The following ZNG1F variants were observed in gnomAD, a reference collection of about 807,000 sequenced individuals.
The protein encoded by ZNG1F is zinc-regulated GTPase metalloprotein activator 1F.
the ZNG1F span, chr9:41,132,018 T>C: frequency 1.0e-6 from 1 of 967,258 alleles, no homozygotes; most frequent in African/African-American, 1.7e-5. Context: ...CATTGGTCCT[T>C]GGATTAACCA....
chr9:41,204,420 A>ATC, the ZNG1F span, among the ~76,000 whole-genome samples: 504 of 13,172 alleles, frequency 0.038, 5 homozygotes, highest in African/African-American at 0.052. Context: ...ATATATATAT[A>ATC]TCTGTATAAC....
At chr9:41,146,269 A>T in the ZNG1F span, among the ~76,000 whole-genome samples, 114 of 123,786 alleles carry the variant, frequency 9.2e-4, 1 homozygote, top group African/African-American at 3.3e-3. Flanking sequence ...AAGTGTCACT[A>T]AAGCATTATA....
At chr9:41,166,472 AT>A in the ZNG1F span, among the ~76,000 whole-genome samples, 5,449 of 108,512 alleles carry the variant, frequency 0.05, 42 homozygotes, top group Admixed American at 0.11. Context: ...ATATATATAT[AT>A]AAAATCTTCA....
chr9:41,203,448 C>CA, the ZNG1F span, among the ~76,000 whole-genome samples: 2 of 150,386 alleles, frequency 1.3e-5, no homozygotes, highest in East Asian at 4.0e-4. Context: ...TTCACCATCC[C>CA]AAAAAATTCC....
At chr9:41,132,242 C>T in the ZNG1F span, 229 of 1,603,286 alleles carry the variant, frequency 1.4e-4, 10 homozygotes, top group African/African-American at 2.4e-3. Flanking sequence ...GAGGACCAAT[C>T]GATTTGTTCT....
the ZNG1F span, among the ~76,000 whole-genome samples, chr9:41,193,815 G>A: frequency 6.6e-6 from 1 of 151,368 alleles, no homozygotes; most frequent in South Asian, 2.1e-4. Flanking sequence ...CAGAAGAATT[G>A]CTTGAACCCG....
chr9:41,154,516 T>C, the ZNG1F span, among the ~76,000 whole-genome samples: 1 of 137,482 alleles, frequency 7.3e-6, no homozygotes, highest in Non-Finnish European at 1.6e-5. Context: ...TTAAAGTTCA[T>C]ATGGAACCAA....
the ZNG1F span, chr9:41,164,850 C>G: frequency 1.9e-6 from 1 of 523,828 alleles, no homozygotes; most frequent in Non-Finnish European, 3.4e-6. Context: ...ATTTATATAA[C>G]AATTAGCCAT....
the ZNG1F span, among the ~76,000 whole-genome samples, chr9:41,195,642 C>A: frequency 0.34 from 38,388 of 112,238 alleles, 3,030 homozygotes; most frequent in Non-Finnish European, 0.43. Context: ...CTCAAGCTGA[C>A]AAGTTGAGTG....
the ZNG1F span, among the ~76,000 whole-genome samples, chr9:41,202,161 GTGCACAGGCC>G: frequency 6.8e-6 from 1 of 146,320 alleles, no homozygotes. Context: ...GCAAAAGGGG[GTGCACAGGCC>G]TTTGCCCTAC....
At chr9:41,150,044 A>G in the ZNG1F span, among the ~76,000 whole-genome samples, 9 of 37,192 alleles carry the variant, frequency 2.4e-4, 3 homozygotes, top group African/African-American at 4.5e-4. Flanking sequence ...CGATTTCTAC[A>G]TTTCCATCTG....
chr9:41,185,701 C>T, the ZNG1F span, among the ~76,000 whole-genome samples: 5 of 150,410 alleles, frequency 3.3e-5, no homozygotes, highest in South Asian at 2.1e-4. Context: ...AAAAAATAAA[C>T]GTTTTTTCAT....
chr9:41,193,657 TGGAAAGCCAGGGCGGG>T, the ZNG1F span, among the ~76,000 whole-genome samples: 1 of 150,916 alleles, frequency 6.6e-6, no homozygotes, highest in Non-Finnish European at 1.5e-5. Context: ...CCCAGCGCTT[TGGAAAGCCAGGGCGGG>T]TGGATCACCT....
the ZNG1F span, among the ~76,000 whole-genome samples, chr9:41,141,125 G>A: frequency 3.0e-4 from 45 of 151,370 alleles, no homozygotes; most frequent in Non-Finnish European, 7.4e-5. Flanking sequence ...GACAAAAAAG[G>A]CTTTAAAAAT....
At chr9:41,150,235 A>T in the ZNG1F span, among the ~76,000 whole-genome samples, 1 of 146,546 alleles carries the variant, frequency 6.8e-6, no homozygotes, top group African/African-American at 2.5e-5. Context: ...AGATTGGGTC[A>T]CTCCCACCCG....
At chr9:41,140,845 C>A in the ZNG1F span, among the ~76,000 whole-genome samples, 1 of 145,870 alleles carries the variant, frequency 6.9e-6, no homozygotes, top group Admixed American at 7.0e-5. Flanking sequence ...CCCACTTCAG[C>A]CTCTCGAGTA....
the ZNG1F span, among the ~76,000 whole-genome samples, chr9:41,183,286 T>A: frequency 1.4e-5 from 2 of 138,782 alleles, no homozygotes. Context: ...GAATAATCAT[T>A]TTTTACATAT....
At chr9:41,195,285 A>G in the ZNG1F span, among the ~76,000 whole-genome samples, 1 of 81,162 alleles carries the variant, frequency 1.2e-5, no homozygotes, top group Admixed American at 1.7e-4. Flanking sequence ...TGTTGGGAAC[A>G]TATCTAAAAG....
At chr9:41,174,280 T>G in the ZNG1F span, 1 of 1,539,848 alleles carries the variant, frequency 6.5e-7, no homozygotes, top group Non-Finnish European at 8.7e-7. Context: ...AAGAAAACTG[T>G]TTTTTAACTT....
Sources: allele counts gnomAD v4.1 joint callset (sites outside exome capture counted in the v4.1 genomes callset), GRCh38; gene constraint gnomAD v4.1.1; transcripts MANE v1.5; gene names NCBI Gene and HGNC (gene_info 2026-07-23, HGNC 2026-07-21).